NEGR1: variants seen among roughly 807,000 people sequenced by gnomAD.
The protein encoded by NEGR1 is neuronal growth regulator 1.
NEGR1 carries 10 observed loss-of-function variants against 40.9 expected under a neutral mutation model. The observed-to-expected ratio is 0.24, with a 90% confidence interval of 0.15 to 0.42. The LOEUF (loss-of-function observed/expected upper bound fraction) is 0.42, where lower values mean the gene tolerates loss of function less well. NEGR1 is among the 10% of genes least tolerant of loss of function. NEGR1 has a pLI of 1.00. For synonymous variants in NEGR1, 185 were observed against 166.8 expected (o/e 1.11, Z -0.84); for missense variants, 352 against 438.9 (o/e 0.80, Z 1.77).
chr1:72,006,438 T>C (rs973481948), intron 1 of NEGR1, among the ~76,000 whole-genome samples: 3 of 152,172 alleles, frequency 2.0e-5, no homozygotes, highest in African/African-American at 7.2e-5. Flanking sequence ...ATCAGAAGAA[T>C]TATTTTCCTC....
At chr1:72,254,062 C>A (rs913160354) in intron 1 of NEGR1, among the ~76,000 whole-genome samples, 1 of 152,134 alleles carries the variant, frequency 6.6e-6, no homozygotes, top group African/African-American at 2.4e-5. Context: ...CTAGAATGGC[C>A]TACATTACCT....
In NEGR1 at chr1:71,399,843, G is replaced by C. The variant is rs1234629954; in HGVS notation, c.*7603C>G. 5 of 152,328 alleles carry C rather than the reference G, an allele frequency of 3.3e-5. No homozygotes were observed. Among genetic ancestry groups the C allele is most frequent in the Admixed American group, 2.6e-4 (4 of 15,304 alleles). The allele number at this position is 152,328 out of a possible 1,614,324, so 9.4% of individuals were successfully genotyped here. A position where few individuals can be genotyped will look rare whatever the true frequency, so the allele number is the denominator to read the frequency against. On this transcript the variant is annotated 3_prime_UTR_variant, in exon 7 of 7. Coordinates refer to ENST00000357731, the MANE Select transcript of NEGR1 (RefSeq NM_173808.3). ...TGAAACTACTTAGAAAACTATGGAA[G>C]AGTTCTGTGGCTCTTACTAGGTATT... is the stretch of plus-strand genomic sequence containing the variant.
chr1:72,152,804 A>G (rs1475635311), intron 1 of NEGR1, among the ~76,000 whole-genome samples: 1 of 151,984 alleles, frequency 6.6e-6, no homozygotes, highest in Non-Finnish European at 1.5e-5. Context: ...TATTTTCATA[A>G]AAAAAGAATG....
rs569709966 is a variant in NEGR1, at chr1:71,991,636, C to T, written c.177-56325G>A. ...TTCTATCAAAATACACTTCTCTATA[C>T]TCTAACTGATATCTGCTTACCTACT... On this transcript the variant is annotated intron_variant, in intron 1 of 6. Transcript: ENST00000357731. Among the ~76,000 whole-genome samples the T allele has an allele frequency of 1.2e-4, 18 of 152,148 alleles. No homozygotes were observed. The South Asian group carries it at 3.7e-3, about 32-fold the overall frequency.
At chr1:71,477,658 T>C (rs1005492342) in intron 6 of NEGR1, among the ~76,000 whole-genome samples, 7 of 152,068 alleles carry the variant, frequency 4.6e-5, no homozygotes, top group East Asian at 1.9e-4. Flanking sequence ...TGGTTGATGT[T>C]AGATGGGCAG....
chr1:72,093,681 A>C (rs961269679), intron 1 of NEGR1, among the ~76,000 whole-genome samples: 1 of 152,196 alleles, frequency 6.6e-6, no homozygotes, highest in African/African-American at 2.4e-5. Flanking sequence ...ATGTTCAAAA[A>C]ATAGTGAGTC....
At chr1:72,125,542 T>C (rs1428803150) in intron 1 of NEGR1, among the ~76,000 whole-genome samples, 1 of 152,182 alleles carries the variant, frequency 6.6e-6, no homozygotes, top group South Asian at 2.1e-4. Flanking sequence ...CACATTATTA[T>C]GAAATGTCAG....
chr1:71,506,418 A>G (rs1647035192), intron 6 of NEGR1, among the ~76,000 whole-genome samples: 1 of 152,160 alleles, frequency 6.6e-6, no homozygotes, highest in South Asian at 2.1e-4. Flanking sequence ...GGTGGCCGAA[A>G]TGTGTGCAAG....
chr1:72,071,037 T>G (rs1201257348), intron 1 of NEGR1, among the ~76,000 whole-genome samples: 1 of 152,106 alleles, frequency 6.6e-6, no homozygotes, highest in Non-Finnish European at 1.5e-5. Flanking sequence ...ACATAGTTTT[T>G]ATTAACAACT....
intron 1 of NEGR1, among the ~76,000 whole-genome samples, chr1:72,216,891 C>A (rs570404771): frequency 1.3e-5 from 2 of 151,286 alleles, no homozygotes; most frequent in South Asian, 4.2e-4. Context: ...AAATATTAAC[C>A]AGACTTTCCT....
intron 1 of NEGR1, among the ~76,000 whole-genome samples, chr1:72,185,872 G>A (rs1267822543): frequency 6.6e-6 from 1 of 151,692 alleles, no homozygotes; most frequent in Non-Finnish European, 1.5e-5. Flanking sequence ...TTGTATCACT[G>A]GTCAACTTAA....
intron 4 of NEGR1, among the ~76,000 whole-genome samples, chr1:71,636,068 T>C (rs1435408625): frequency 6.6e-6 from 1 of 152,120 alleles, no homozygotes; most frequent in African/African-American, 2.4e-5. Context: ...TATATAGCAA[T>C]AGATAAATGT....
intron 2 of NEGR1, among the ~76,000 whole-genome samples, chr1:71,851,155 C>T (rs541380110): frequency 1.3e-5 from 2 of 152,230 alleles, no homozygotes; most frequent in Non-Finnish European, 2.9e-5. Flanking sequence ...AACCACACAA[C>T]GCAGCAGAAT....
At chr1:72,093,409 AAT>A (rs1648572745) in intron 1 of NEGR1, among the ~76,000 whole-genome samples, 1 of 152,094 alleles carries the variant, frequency 6.6e-6, no homozygotes, top group Non-Finnish European at 1.5e-5. Context: ...TTCACATACA[AAT>A]ATTCTCTCAA....
chr1:71,938,410 G>GT lies in NEGR1; in HGVS notation c.177-3100dup, dbSNP rs571760372. Among the ~76,000 whole-genome samples the GT allele has an allele frequency of 5.1e-3, 555 of 109,824 alleles. 7 individuals carry two copies. Among genetic ancestry groups the GT allele is most frequent in the South Asian group, 1.0e-2 (31 of 3,114 alleles). 72.0% of individuals were successfully genotyped at this position (109,824 alleles called of 152,430 possible). A position where few individuals can be genotyped will look rare whatever the true frequency, so the allele number is the denominator to read the frequency against. Reference sequence around the variant, plus strand: ...CACACAGCTGTATGCATGTGTAGGTGTTTTTTTTTTTTTTTTTTTTGGTCA... The same window carrying GT: ...CACACAGCTGTATGCATGTGTAGGTGTTTTTTTTTTTTTTTTTTTTTGGTCA... On this transcript the variant is annotated intron_variant, in intron 1 of 6. Transcript: ENST00000357731.
rs996218444 is a variant in NEGR1, at chr1:71,397,754, T to C, written c.*9692A>G. ...TGGCTGCAGAAAATTGCATAAGTAA[T>C]GAGGAGCTGAATGTCACCAAGACAG... On this transcript the variant is annotated 3_prime_UTR_variant, in exon 7 of 7. Coordinates refer to ENST00000357731, the MANE Select transcript of NEGR1 (RefSeq NM_173808.3). The C allele has an allele frequency of 1.3e-5, 2 of 152,168 alleles. No homozygotes were observed. Among genetic ancestry groups the C allele is most frequent in the Admixed American group, 1.3e-4 (2 of 15,264 alleles). 9.4% of individuals were successfully genotyped at this position (152,168 alleles called of 1,614,324 possible). A position where few individuals can be genotyped will look rare whatever the true frequency, so the allele number is the denominator to read the frequency against.
chr1:71,703,802 C>T lies in NEGR1; in HGVS notation c.536-5663G>A, dbSNP rs138339368. On this transcript the variant is annotated intron_variant, in intron 3 of 6. Coordinates refer to ENST00000357731, the MANE Select transcript of NEGR1 (RefSeq NM_173808.3). ...ACAAGCAAATAAAAATACAGAGCCT[C>T]GATGATATATGGAATAATAAAATAT... is the stretch of plus-strand genomic sequence containing the variant. Among the ~76,000 whole-genome samples the T allele has an allele frequency of 3.0e-3, 455 of 151,124 alleles. 17 individuals carry two copies. In the East Asian group the frequency reaches 0.073, roughly 24 times the overall value.
At chr1:71,523,399 A>T (rs1462706308) in intron 6 of NEGR1, among the ~76,000 whole-genome samples, 1 of 151,976 alleles carries the variant, frequency 6.6e-6, no homozygotes, top group East Asian at 1.9e-4. Flanking sequence ...TTACCTGTTC[A>T]TATATTGTAA....
chr1:72,079,452 T>G (rs1197348418), intron 1 of NEGR1, among the ~76,000 whole-genome samples: 4 of 152,082 alleles, frequency 2.6e-5, no homozygotes, highest in Non-Finnish European at 5.9e-5. Context: ...TTCCTGAATT[T>G]TTTAAAAATA....
Sources: allele counts gnomAD v4.1 joint callset (sites outside exome capture counted in the v4.1 genomes callset), GRCh38; gene constraint gnomAD v4.1.1; transcripts MANE v1.5; gene names NCBI Gene and HGNC (gene_info 2026-07-23, HGNC 2026-07-21).